Variants in HS6ST3 observed in about 807,000 individuals in gnomAD.
HS6ST3 encodes the protein heparan-sulfate 6-O-sulfotransferase 3.
A neutral mutation model predicts 36.7 loss-of-function variants in HS6ST3; 12 were observed. That is an observed-to-expected ratio of 0.33 (90% confidence interval 0.21 to 0.53). The LOEUF (loss-of-function observed/expected upper bound fraction) is 0.53. HS6ST3 is among the 20% of genes least tolerant of loss of function. The pLI is 0.95. For missense variants in HS6ST3, 584 were observed against 640.9 expected (o/e 0.91, Z 0.96); for synonymous variants, 240 against 257.5 (o/e 0.93, Z 0.65).
chr13:96,161,007 T>TA (rs2054133215), intron 1 of HS6ST3, among the ~76,000 whole-genome samples: 2 of 152,202 alleles, frequency 1.3e-5, no homozygotes, highest in African/African-American at 4.8e-5. Context: ...CCTTAATGTT[T>TA]AACTCCTTAA....
intron 1 of HS6ST3, among the ~76,000 whole-genome samples, chr13:96,326,019 A>G (rs2055029007): frequency 6.6e-6 from 1 of 152,178 alleles, no homozygotes. Flanking sequence ...TTCCCTAGTG[A>G]TAATGAACTT....
intron 1 of HS6ST3, among the ~76,000 whole-genome samples, chr13:96,681,079 A>G (rs906782269): frequency 2.0e-5 from 3 of 152,168 alleles, no homozygotes; most frequent in Non-Finnish European, 4.4e-5. Flanking sequence ...TTCTTTGCCT[A>G]GTTGAAATCG....
At chr13:96,607,154 A>G (rs887860863) in intron 1 of HS6ST3, among the ~76,000 whole-genome samples, 1 of 152,228 alleles carries the variant, frequency 6.6e-6, no homozygotes, top group Non-Finnish European at 1.5e-5. Flanking sequence ...AAACATTGTG[A>G]TAAAGTTACT....
chr13:96,117,760 A>T (rs1211458399), intron 1 of HS6ST3, among the ~76,000 whole-genome samples: 2 of 152,154 alleles, frequency 1.3e-5, no homozygotes, highest in Non-Finnish European at 2.9e-5. Context: ...GAATCTAGAA[A>T]ATGGATTGAG....
intron 1 of HS6ST3, among the ~76,000 whole-genome samples, chr13:96,773,230 C>T (rs1022022595): frequency 6.6e-6 from 1 of 152,190 alleles, no homozygotes; most frequent in Non-Finnish European, 1.5e-5. Context: ...AAGAACAAAA[C>T]TGGGTGGCTT....
At chr13:96,419,966 C>T (rs1450620820) in intron 1 of HS6ST3, among the ~76,000 whole-genome samples, 2 of 152,186 alleles carry the variant, frequency 1.3e-5, no homozygotes, top group East Asian at 3.8e-4. Context: ...ATAGGGCTTC[C>T]TCATGTCTTT....
At chr13:96,365,224 C>T (rs1050706419) in intron 1 of HS6ST3, among the ~76,000 whole-genome samples, 1 of 152,208 alleles carries the variant, frequency 6.6e-6, no homozygotes, top group African/African-American at 2.4e-5. Flanking sequence ...GGAGGAGGAA[C>T]GCCCCTCACT....
At chr13:96,820,704 A>G (rs529037926) in intron 1 of HS6ST3, among the ~76,000 whole-genome samples, 100 of 152,300 alleles carry the variant, frequency 6.6e-4, no homozygotes, top group South Asian at 1.7e-3. Flanking sequence ...CTTCAAACCT[A>G]TTTTCTTTTC....
At chr13:96,400,919 T>C (rs575304599) in intron 1 of HS6ST3, among the ~76,000 whole-genome samples, 17 of 152,252 alleles carry the variant, frequency 1.1e-4, no homozygotes, top group African/African-American at 3.9e-4. Flanking sequence ...TAATTTTTAA[T>C]ATAAGGGAGA....
intron 1 of HS6ST3, among the ~76,000 whole-genome samples, chr13:96,372,452 G>T (rs949659220): frequency 6.6e-6 from 1 of 151,988 alleles, no homozygotes; most frequent in Admixed American, 6.6e-5. Flanking sequence ...TTGTTGATTG[G>T]TTCCATATGC....
At chr13:96,205,363 A>G (rs1414724502) in intron 1 of HS6ST3, among the ~76,000 whole-genome samples, 1 of 152,168 alleles carries the variant, frequency 6.6e-6, no homozygotes, top group Non-Finnish European at 1.5e-5. Context: ...AAAGCCCAGG[A>G]TCATCCAGAT....
intron 1 of HS6ST3, among the ~76,000 whole-genome samples, chr13:96,141,244 A>T (rs1181646059): frequency 6.6e-6 from 1 of 152,236 alleles, no homozygotes; most frequent in Non-Finnish European, 1.5e-5. Flanking sequence ...GCAGTCTTTT[A>T]GTTGTACAAC....
chr13:96,697,269 AG>A (rs1875155239), intron 1 of HS6ST3, among the ~76,000 whole-genome samples: 2 of 151,972 alleles, frequency 1.3e-5, no homozygotes, highest in Non-Finnish European at 2.9e-5. Flanking sequence ...TTAAATGAGC[AG>A]ATTGGGTGGA....
At chr13:96,625,603 A>G (rs185446633) in intron 1 of HS6ST3, among the ~76,000 whole-genome samples, 281 of 152,286 alleles carry the variant, frequency 1.8e-3, no homozygotes, top group African/African-American at 6.5e-3. Flanking sequence ...TATTTTAATT[A>G]AATTTTCCTA....
chr13:96,174,276 A>G (rs1214944022), intron 1 of HS6ST3, among the ~76,000 whole-genome samples: 7 of 152,292 alleles, frequency 4.6e-5, no homozygotes, highest in East Asian at 1.9e-4. Context: ...ATAATATTCT[A>G]TATAATGCGT....
chr13:96,426,594 A>G (rs2055588399), intron 1 of HS6ST3, among the ~76,000 whole-genome samples: 1 of 152,226 alleles, frequency 6.6e-6, no homozygotes, highest in African/African-American at 2.4e-5. Context: ...AGGAAATTAA[A>G]ATCCGAGACA....
At position 96,456,314 on chromosome 13, in the gene HS6ST3, T is replaced by C. The variant is rs1336316353; in HGVS notation, c.707+364745T>C. Among the ~76,000 whole-genome samples the C allele has an allele frequency of 2.0e-5, 3 of 152,272 alleles. No individual in the cohort carries two copies. In the East Asian group the frequency reaches 5.8e-4, roughly 29 times the overall value. On this transcript the variant is annotated intron_variant, in intron 1 of 1. Coordinates refer to ENST00000376705, the MANE Select transcript of HS6ST3 (RefSeq NM_153456.4). ...AGAAATCATTTCTGCTGTGTAAAAC[T>C]GAAGAAGAGTAGATTAATCAGAACA...
At chr13:96,434,123 C>A (rs144217284) in intron 1 of HS6ST3, among the ~76,000 whole-genome samples, 1 of 152,242 alleles carries the variant, frequency 6.6e-6, no homozygotes, top group East Asian at 1.9e-4. Context: ...TACTCCATAT[C>A]TTGATGTCAG....
chr13:96,273,683 AGT>A (rs1303714664), intron 1 of HS6ST3, among the ~76,000 whole-genome samples: 2 of 150,382 alleles, frequency 1.3e-5, no homozygotes, highest in African/African-American at 5.0e-5. Context: ...CTTTTCATTG[AGT>A]GTGCAAGTAT....
Sources: allele counts gnomAD v4.1 joint callset (sites outside exome capture counted in the v4.1 genomes callset), GRCh38; gene constraint gnomAD v4.1.1; transcripts MANE v1.5; gene names NCBI Gene and HGNC (gene_info 2026-07-23, HGNC 2026-07-21).